SYCE1L: variants seen among roughly 807,000 people sequenced by gnomAD.
The protein encoded by SYCE1L is synaptonemal complex central element protein 1 like, also known as synaptonemal complex central element protein 1-like.
SYCE1L carries 51 observed loss-of-function variants against 39.6 expected under a neutral mutation model. The observed-to-expected ratio is 1.29, with a 90% CI of 1.03 to 1.63. The LOEUF (loss-of-function observed/expected upper bound fraction) is 1.63, where lower values mean the gene tolerates loss of function less well. Among genes scored for constraint, SYCE1L ranks in the 40% most tolerant of loss-of-function variants. The pLI is 0.00. For synonymous variants in SYCE1L, 147 were observed against 122.4 expected, an observed-to-expected ratio of 1.20 and a Z score of -1.33; for missense variants, 426 against 304.9, an observed-to-expected ratio of 1.40 and a Z score of -2.96.
In SYCE1L at chr16:77,212,194, C is replaced by CG. The variant is rs371551639; in HGVS notation, c.490dup (p.Glu164GlyfsTer21). 2.7e-3 allele frequency: 4,174 copies of CG among 1,547,712 alleles called. 29 individuals are homozygous for CG. The highest frequency in any genetic ancestry group is 8.4e-3 in the Middle Eastern group (43 of 5,126). ...GAGAGAAGCAAGGAGCAGCTGCTCT[C>CG]GGAGAGTGAGCCTCCCGCGCCAGGT... On this transcript the variant is annotated frameshift_variant, in exon 8 of 11. Transcript: ENST00000378644. LOFTEE classifies it high-confidence loss of function.
At chr16:77,210,116 C>G (rs1240064901) in intron 6 of SYCE1L, among the ~76,000 whole-genome samples, 1 of 152,216 alleles carries the variant, frequency 6.6e-6, no homozygotes, top group Non-Finnish European at 1.5e-5. Context: ...ACTCACACAT[C>G]CAGTCAACTG....
chr16:77,212,836 G>C (rs1370879690), intron 10 of SYCE1L, 21 bp from the exon 11 acceptor site: 11 of 1,469,514 alleles, frequency 7.5e-6, no homozygotes, highest in Non-Finnish European at 9.9e-6. Flanking sequence ...CTGGTCCGCA[G>C]CCTCACCCAG....
chr16:77,207,838 G>T (rs899101135), intron 2 of SYCE1L, among the ~76,000 whole-genome samples: 32 of 152,232 alleles, frequency 2.1e-4, no homozygotes, highest in African/African-American at 7.5e-4. Flanking sequence ...GTTGCACTCT[G>T]CCTGGAATGG....
At chr16:77,211,025 A>G (rs1428871699) in intron 6 of SYCE1L, among the ~76,000 whole-genome samples, 188 bp from the exon 7 acceptor site, 1 of 152,288 alleles carries the variant, frequency 6.6e-6, no homozygotes, top group East Asian at 1.9e-4. Context: ...GAAAGTGGGA[A>G]CAGGGCTTGC....
Position 77,206,445 on chromosome 16 carries a change from A to G in SYCE1L, c.66A>G (p.Gln22=). The G allele has an allele frequency of 6.4e-7, 1 of 1,551,594 alleles. No homozygotes were observed. The highest frequency in any genetic ancestry group is 8.7e-7 in the Non-Finnish European group (1 of 1,146,972). ...TTTTGATTTTCCTTTCTACAGGGCA[A>G]GCCAAGTCTTTGAAGACTGAAGACT... is the stretch of plus-strand genomic sequence containing the variant. ...APEATEEAEG[Q]AKSLKTEDLL... Residue 22 remains glutamine, a synonymous_variant, in exon 2 of 11, where the codon CAA becomes CAG. Transcript: ENST00000378644.
At chr16:77,211,172 G>A (rs1016816433) in intron 6 of SYCE1L, 41 bp from the exon 7 acceptor site, 1 of 1,550,746 alleles carries the variant, frequency 6.4e-7, no homozygotes, top group Admixed American at 2.0e-5. Context: ...AGGGTGTCAG[G>A]CCTAGCATGT....
chr16:77,212,031 AATGTAGGTGAAGACTTCGCGAGAAGCAC>A, intron 7 of SYCE1L, 71 bp from the exon 8 acceptor site: 1 of 1,277,674 alleles, frequency 7.8e-7, no homozygotes, highest in South Asian at 1.5e-5. Flanking sequence ...TGAATGACCT[AATGTAGGTGAAGACTTCGCGAGAAGCAC>A]AAAAGGGGAG....
Position 77,212,845 on chromosome 16 carries a change from A to G in SYCE1L, c.655-12A>G. On this transcript the variant is annotated splice_polypyrimidine_tract_variant and intron_variant, in intron 10 of 10. Coordinates refer to ENST00000378644, the MANE Select transcript of SYCE1L (RefSeq NM_001129979.3). ...AGGAACCTGGTCCGCAGCCTCACCCAGCCCCCGGCAGGCCGGACCTGAGCT... is the reference window on the plus strand; with the variant it reads ...AGGAACCTGGTCCGCAGCCTCACCCGGCCCCCGGCAGGCCGGACCTGAGCT... 6.8e-7 allele frequency: 1 copy of G among 1,479,990 alleles called. No individual in the cohort carries two copies. The highest frequency in any genetic ancestry group is 9.0e-7 in the Non-Finnish European group (1 of 1,116,370). The allele number at this position is 1,479,990 out of a possible 1,614,324, so 91.7% of individuals were successfully genotyped here. A position where few individuals can be genotyped will look rare whatever the true frequency, so the allele number is the denominator to read the frequency against.
At chr16:77,211,989 C>G (rs542183120) in intron 7 of SYCE1L, 141 bp from the exon 8 acceptor site, 3 of 980,606 alleles carry the variant, frequency 3.1e-6, no homozygotes, top group East Asian at 2.8e-5. Flanking sequence ...ACAGCAGGAA[C>G]TGCACATTGA....
At chr16:77,209,017 G>A (rs2054805239) in intron 4 of SYCE1L, 80 bp from the exon 5 acceptor site, 1 of 1,461,930 alleles carries the variant, frequency 6.8e-7, no homozygotes, top group South Asian at 1.2e-5. Flanking sequence ...CACCTTCTGT[G>A]TGGCTTTCCC....
chr16:77,202,293 C>T (rs1314298327), intron 1 of SYCE1L: 1 of 152,128 alleles, frequency 6.6e-6, no homozygotes, highest in Non-Finnish European at 1.5e-5. Flanking sequence ...CAGAATCACT[C>T]ACAAATGGGA....
At chr16:77,203,503 G>C (rs1483665442) in intron 1 of SYCE1L, among the ~76,000 whole-genome samples, 1 of 150,430 alleles carries the variant, frequency 6.6e-6, no homozygotes, top group African/African-American at 2.4e-5. Context: ...AAAAAACCCT[G>C]ATTTACAACA....
At chr16:77,206,099 C>T (rs559847743) in intron 1 of SYCE1L, among the ~76,000 whole-genome samples, 6 of 152,204 alleles carry the variant, frequency 3.9e-5, no homozygotes, top group Admixed American at 3.9e-4. Flanking sequence ...AATCTTCCTG[C>T]CCTATTGTTC....
At chr16:77,207,870 C>G (rs1331057184) in intron 2 of SYCE1L, among the ~76,000 whole-genome samples, 1 of 152,134 alleles carries the variant, frequency 6.6e-6, no homozygotes, top group Non-Finnish European at 1.5e-5. Flanking sequence ...ATACTCTTTA[C>G]CCCCACAGAA....
At chr16:77,199,725 C>T in intron 1 of SYCE1L, 1 of 519,484 alleles carries the variant, frequency 1.9e-6, no homozygotes, top group South Asian at 2.9e-5. Flanking sequence ...TAACTTTTGT[C>T]AACTGTAGTG....
rs1399229173 is a variant in SYCE1L at position 77,202,236 on chromosome 16, CT to C, written c.61+2725del. On this transcript the variant is annotated intron_variant, in intron 1 of 10. Transcript: ENST00000378644. ...TCCCTTTGTATATAGGAAATAGACA[CT>C]GGAATAGTAAGGAGTAGTGGGTCAA... The C allele has an allele frequency of 2.6e-5, 4 of 152,114 alleles. No homozygotes were observed. The East Asian group carries it at 7.7e-4, about 29-fold the overall frequency. 9.4% of individuals were successfully genotyped at this position (152,114 alleles called of 1,614,324 possible).
intron 1 of SYCE1L, chr16:77,202,158 G>C (rs146806312): frequency 7.0e-4 from 107 of 152,286 alleles, no homozygotes; most frequent in African/African-American, 2.5e-3. Flanking sequence ...ATTCATATTG[G>C]ATCAGTATTA....
intron 7 of SYCE1L, 149 bp downstream of exon 7, chr16:77,211,425 C>T (rs1334938026): frequency 1.1e-6 from 1 of 935,782 alleles, no homozygotes; most frequent in Non-Finnish European, 1.7e-6. Flanking sequence ...TTCAGTCCCT[C>T]AGCTTTTATC....
intron 1 of SYCE1L, chr16:77,202,506 T>C (rs2054753349): frequency 6.6e-6 from 1 of 152,242 alleles, no homozygotes; most frequent in African/African-American, 2.4e-5. Context: ...CTTGGCCTTA[T>C]TTCATGACTA....
Sources: allele counts gnomAD v4.1 joint callset (sites outside exome capture counted in the v4.1 genomes callset), GRCh38; gene constraint gnomAD v4.1.1; transcripts MANE v1.5; gene names NCBI Gene and HGNC (gene_info 2026-07-23, HGNC 2026-07-21).